Variants in BNC2 observed in about 807,000 individuals in gnomAD.
BNC2 encodes basonuclin zinc finger protein 2, also known as zinc finger protein basonuclin-2.
In BNC2, 20 loss-of-function variants were observed where a neutral mutation model predicts 76.3. The ratio of observed to expected loss-of-function variants is 0.26; its 90% CI spans 0.18 to 0.38. The LOEUF (loss-of-function observed/expected upper bound fraction) is 0.38, where lower values mean the gene tolerates loss of function less well. Among genes scored for constraint, BNC2 ranks in the 10% least tolerant of loss-of-function variants. The pLI is 1.00. For synonymous variants in BNC2, 582 were observed against 514.8 expected (o/e 1.13, Z -1.77); for missense variants, 1,382 against 1,399.8 (o/e 0.99, Z 0.20).
chr9:16,421,253 T>C (rs763091300), intron 6 of BNC2: 1 of 1,298,684 alleles, frequency 7.7e-7, no homozygotes, highest in Admixed American at 2.3e-5. Flanking sequence ...TTAGGAAGGC[T>C]GAGCTTACCT....
chr9:16,560,605 T>C lies in BNC2; in HGVS notation c.434-7840A>G, dbSNP rs148473241. 5.4e-3 allele frequency among the ~76,000 whole-genome samples: 819 copies of C among 152,186 alleles called. 9 individuals carry two copies. Among genetic ancestry groups the C allele is most frequent in the African/African-American group, 0.019 (797 of 41,520 alleles). On this transcript the variant is annotated intron_variant, in intron 4 of 6. Coordinates refer to ENST00000380672, the MANE Select transcript of BNC2 (RefSeq NM_017637.6). ...GGACAAGTGTGGTAGAGCAAGCCTA[T>C]AGTCCCAGTTACTTGAAGCAACAGA...
At chr9:16,503,969 A>G (rs1448628907) in intron 5 of BNC2, among the ~76,000 whole-genome samples, 1 of 152,182 alleles carries the variant, frequency 6.6e-6, no homozygotes, top group Non-Finnish European at 1.5e-5. Context: ...CTTGTAGTGA[A>G]TCAGAAAACA....
intron 5 of BNC2, among the ~76,000 whole-genome samples, chr9:16,480,871 C>G (rs1822037733): frequency 6.6e-6 from 1 of 152,218 alleles, no homozygotes; most frequent in Admixed American, 6.5e-5. Flanking sequence ...TCCCATCGAC[C>G]ACCCAAGGGC....
intron 1 of BNC2, among the ~76,000 whole-genome samples, chr9:16,746,158 A>G (rs1376294886): frequency 1.3e-5 from 2 of 152,152 alleles, no homozygotes; most frequent in Non-Finnish European, 2.9e-5. Flanking sequence ...CTATGTTTAC[A>G]CCGGAGCTCA....
chr9:16,616,317 C>A (rs552029300), intron 3 of BNC2, among the ~76,000 whole-genome samples: 2 of 151,896 alleles, frequency 1.3e-5, no homozygotes, highest in Admixed American at 1.3e-4. Flanking sequence ...GCTTGAGCCT[C>A]GGATGTTGAG....
chr9:16,502,653 A>G (rs918753884), intron 5 of BNC2, among the ~76,000 whole-genome samples: 1 of 152,198 alleles, frequency 6.6e-6, no homozygotes, highest in African/African-American at 2.4e-5. Flanking sequence ...GGTCTTCCAC[A>G]GGTCTGAGGA....
In BNC2 at chr9:16,659,616, A is replaced by T. The variant is rs570984932; in HGVS notation, c.330+68181T>A. Among the ~76,000 whole-genome samples, 12 of 151,908 alleles carry T rather than the reference A, an allele frequency of 7.9e-5. No homozygotes were observed. In the East Asian group the frequency reaches 2.1e-3, roughly 27 times the overall value. ...AGCGAGACTCCGTCTCAAAAAAAAAAAAAAAAAAATTACCAAGCTTGTTTC... is the reference window on the plus strand; with the variant it reads ...AGCGAGACTCCGTCTCAAAAAAAAATAAAAAAAAATTACCAAGCTTGTTTC... On this transcript the variant is annotated intron_variant, in intron 3 of 6. Coordinates refer to ENST00000380672, the MANE Select transcript of BNC2 (RefSeq NM_017637.6).
chr9:16,718,250 G>A (rs1023602077), intron 3 of BNC2, among the ~76,000 whole-genome samples: 6 of 152,210 alleles, frequency 3.9e-5, no homozygotes, highest in African/African-American at 1.4e-4. Context: ...TCACCTGTAT[G>A]AGGCCAGCTT....
At chr9:16,506,261 A>C (rs1822621369) in intron 5 of BNC2, among the ~76,000 whole-genome samples, 1 of 152,196 alleles carries the variant, frequency 6.6e-6, no homozygotes, top group Admixed American at 6.5e-5. Flanking sequence ...GTGAGAGTAG[A>C]CGAAGGCCAC....
intron 1 of BNC2, among the ~76,000 whole-genome samples, chr9:16,851,676 T>C (rs900575626): frequency 6.6e-6 from 1 of 152,176 alleles, no homozygotes; most frequent in African/African-American, 2.4e-5. Flanking sequence ...AATAAAACTG[T>C]TTTTAAAAAC....
At chr9:16,421,237 C>G in intron 6 of BNC2, 2 of 1,292,300 alleles carry the variant, frequency 1.5e-6, no homozygotes, top group Non-Finnish European at 2.0e-6. Flanking sequence ...CCCTCTCCAA[C>G]TGCACTTAGG....
chr9:16,458,859 C>T (rs1048877334), intron 5 of BNC2, among the ~76,000 whole-genome samples: 14 of 152,304 alleles, frequency 9.2e-5, no homozygotes, highest in Admixed American at 6.5e-4. Context: ...ACACATGAAG[C>T]CCTGAAACCA....
At chr9:16,712,550 C>A (rs1047646450) in intron 3 of BNC2, among the ~76,000 whole-genome samples, 2 of 152,128 alleles carry the variant, frequency 1.3e-5, no homozygotes, top group Admixed American at 6.5e-5. Flanking sequence ...TAGTTTCAGA[C>A]AACTGAAACA....
chr9:16,645,163 T>C lies in BNC2; in HGVS notation c.331-62078A>G, dbSNP rs954858969. Among the ~76,000 whole-genome samples the C allele has an allele frequency of 3.3e-5, 5 of 152,270 alleles. No individual in the cohort carries two copies. The East Asian group carries it at 7.7e-4, about 24-fold the overall frequency. ...AACAATTAATAATGTTCCTTGAACCTTGGCTTGGATAAGAGAAAAAGAAGA... is the reference window on the plus strand; with the variant it reads ...AACAATTAATAATGTTCCTTGAACCCTGGCTTGGATAAGAGAAAAAGAAGA... On this transcript the variant is annotated intron_variant, in intron 3 of 6. Coordinates refer to ENST00000380672, the MANE Select transcript of BNC2 (RefSeq NM_017637.6).
At chr9:16,809,766 G>A (rs1818000884) in intron 1 of BNC2, among the ~76,000 whole-genome samples, 1 of 152,012 alleles carries the variant, frequency 6.6e-6, no homozygotes. Flanking sequence ...GACAGTGCAA[G>A]ACTCTGTCTC....
chr9:16,426,351 G>C (rs1274644824), intron 6 of BNC2, among the ~76,000 whole-genome samples: 1 of 133,884 alleles, frequency 7.5e-6, no homozygotes, highest in African/African-American at 2.8e-5. Context: ...TGTCAGTATA[G>C]ATGGGTTTTT....
chr9:16,643,463 T>G (rs886399268), intron 3 of BNC2, among the ~76,000 whole-genome samples: 1 of 152,118 alleles, frequency 6.6e-6, no homozygotes, highest in South Asian at 2.1e-4. Flanking sequence ...ATTCCTGGTT[T>G]TCAACCTTGG....
chr9:16,558,008 T>G (rs141842241), intron 4 of BNC2, among the ~76,000 whole-genome samples: 1 of 152,240 alleles, frequency 6.6e-6, no homozygotes, highest in East Asian at 1.9e-4. Context: ...CATACCCAGC[T>G]AATTTTTCTG....
intron 5 of BNC2, among the ~76,000 whole-genome samples, chr9:16,544,422 C>G (rs1474634198): frequency 6.6e-6 from 1 of 151,970 alleles, no homozygotes; most frequent in Non-Finnish European, 1.5e-5. Context: ...ACAAATATAT[C>G]AAGTAATCAT....
Sources: allele counts gnomAD v4.1 joint callset (sites outside exome capture counted in the v4.1 genomes callset), GRCh38; gene constraint gnomAD v4.1.1; transcripts MANE v1.5; gene names NCBI Gene and HGNC (gene_info 2026-07-23, HGNC 2026-07-21).